The following DZIP1 variants were observed in gnomAD, a reference collection of about 807,000 sequenced individuals.
DZIP1 encodes cilium assembly protein DZIP1.
Under a neutral mutation model 107.6 loss-of-function variants are expected in DZIP1, and 97 were observed. The ratio of observed to expected loss-of-function variants is 0.90; its 90% confidence interval spans 0.77 to 1.07. The LOEUF (loss-of-function observed/expected upper bound fraction) is 1.07, where lower values mean the gene tolerates loss of function less well. Ranked by LOEUF, DZIP1 falls within the 50% of genes least tolerant of loss-of-function variation. The pLI is 0.00. For synonymous variants in DZIP1, 390 were observed against 386.4 expected, an observed-to-expected ratio of 1.01 and a Z score of -0.11; for missense variants, 1,035 against 1,063.6, an observed-to-expected ratio of 0.97 and a Z score of 0.37.
chr13:95,631,451 G>A (rs548390627), intron 6 of DZIP1, among the ~76,000 whole-genome samples: 27 of 151,924 alleles, frequency 1.8e-4, no homozygotes, highest in Non-Finnish European at 3.2e-4. Context: ...TGGGCCACAG[G>A]GGGAGATTCC....
chr13:95,641,628 C>T lies in DZIP1; in HGVS notation c.264G>A (p.Thr88=), dbSNP rs764577391. ...DKVAGAVDVL[T]LQENIMNITF... ...TGATGTTCATGATGTTCTCCTGCAG[C>T]GTCAGCACGTCCACAGCCCCCGCCA... Residue 88 remains threonine (T), a synonymous_variant, in exon 5 of 23, where the codon ACG becomes ACA. Transcript: ENST00000376829. The surrounding 1 kb of genome is among the most constrained non-coding windows in gnomAD (Gnocchi z 4.3). 2.4e-5 allele frequency: 39 copies of T among 1,611,178 alleles called. No individual in the cohort carries two copies. The highest frequency in any genetic ancestry group is 1.6e-4 in the Middle Eastern group (1 of 6,084).
At chr13:95,600,590 TGATAGATAGATAGATA>T (rs1555306564) in intron 14 of DZIP1, among the ~76,000 whole-genome samples, 1 of 141,674 alleles carries the variant, frequency 7.1e-6, no homozygotes, top group Admixed American at 7.2e-5. Flanking sequence ...GATAGATAGA[TGATAGATAGATAGATA>T]GATAGATAGA....
At position 95,611,572 on chromosome 13, in the gene DZIP1, T is replaced by C. The variant is rs1024054432; in HGVS notation, c.1315-79A>G. The C allele has an allele frequency of 7.6e-6, 9 of 1,180,294 alleles. No individual in the cohort carries two copies. The African/African-American group carries it at 1.1e-4, about 14-fold the overall frequency. 73.1% of individuals were successfully genotyped at this position (1,180,294 alleles called of 1,614,324 possible). On this transcript the variant is annotated intron_variant, in intron 11 of 22. Transcript: ENST00000376829. ...CACATGGGATAATGGACAGATAATG[T>C]TGTTAGTAAATTAACCTTTTCACTA...
chr13:95,628,239 C>T (rs1050137922), intron 7 of DZIP1, among the ~76,000 whole-genome samples: 2 of 152,144 alleles, frequency 1.3e-5, no homozygotes, highest in African/African-American at 4.8e-5. Context: ...GACAGGGTCT[C>T]ACCATGTTGC....
rs368332930 is a variant in DZIP1 at position 95,593,931 on chromosome 13, T to C, written c.1680+13A>G. 44 of 1,583,570 alleles carry C rather than the reference T, an allele frequency of 2.8e-5. No homozygotes were observed. The African/African-American group carries it at 6.0e-4, about 22-fold the overall frequency. On this transcript the variant is annotated intron_variant, in intron 16 of 22. Transcript: ENST00000376829. ...GCAAAACTAACAAATATTCCAAAAA[T>C]GAATGAACATACTGCATTAATCCCC...
intron 15 of DZIP1, among the ~76,000 whole-genome samples, chr13:95,596,959 T>C (rs1432489668): frequency 1.3e-5 from 2 of 152,246 alleles, no homozygotes; most frequent in Non-Finnish European, 2.9e-5. Flanking sequence ...GTTTCTGCAG[T>C]GGTGCACGTG....
intron 9 of DZIP1, among the ~76,000 whole-genome samples, chr13:95,620,866 G>A (rs115920454): frequency 0.014 from 2,207 of 152,230 alleles, 40 homozygotes; most frequent in African/African-American, 0.05. Context: ...GTTCATGAGC[G>A]ACCAGCTGTA....
Position 95,606,086 on chromosome 13 carries a change from C to T in DZIP1, c.1421-27G>A, listed in dbSNP as rs1566383577. The stretch of plus-strand genomic sequence containing the variant: ...TGAAACAGCATAAAAAGGAAAAACT[C>T]AGAGGTTCCATAATTAAAGCATAAG... On this transcript the variant is annotated intron_variant, in intron 13 of 22. Coordinates refer to ENST00000376829, the MANE Select transcript of DZIP1 (RefSeq NM_198968.4). 2.5e-6 allele frequency: 4 copies of T among 1,610,424 alleles called. No individual in the cohort carries two copies. In the Admixed American group the frequency reaches 5.0e-5, roughly 20 times the overall value.
intron 16 of DZIP1, among the ~76,000 whole-genome samples, chr13:95,593,287 A>C (rs1213099109): frequency 6.6e-6 from 1 of 152,236 alleles, no homozygotes; most frequent in Non-Finnish European, 1.5e-5. Flanking sequence ...ATGCACACAT[A>C]CACACTATAC....
chr13:95,642,132 G>A lies in DZIP1; in HGVS notation c.-103C>T, dbSNP rs1276151927. The A allele has an allele frequency of 7.2e-6, 10 of 1,398,180 alleles. No homozygotes were observed. Among genetic ancestry groups the A allele is most frequent in the Non-Finnish European group, 9.3e-6 (10 of 1,075,212 alleles). The allele number at this position is 1,398,180 out of a possible 1,614,324, so 86.6% of individuals were successfully genotyped here. A position where few individuals can be genotyped will look rare whatever the true frequency, so the allele number is the denominator to read the frequency against. On this transcript the variant is annotated 5_prime_UTR_variant, in exon 4 of 23. Coordinates refer to ENST00000376829, the MANE Select transcript of DZIP1 (RefSeq NM_198968.4). The stretch of plus-strand genomic sequence containing the variant: ...AGGCCGGGTTCCTCGCTTCCGCGGC[G>A]GCGGCGGCCTAAGGTCTGGGCGTCC...
At chr13:95,603,547 C>T in intron 14 of DZIP1, among the ~76,000 whole-genome samples, 1 of 152,086 alleles carries the variant, frequency 6.6e-6, no homozygotes, top group East Asian at 1.9e-4. Flanking sequence ...CCCAGGCAAC[C>T]TAAGCAATTG....
intron 10 of DZIP1, among the ~76,000 whole-genome samples, chr13:95,618,824 G>A (rs1215266463): frequency 6.6e-6 from 1 of 152,154 alleles, no homozygotes; most frequent in African/African-American, 2.4e-5. Context: ...ATTCAGAAAA[G>A]ATTTACAAGA....
intron 14 of DZIP1, 64 bp from the exon 15 acceptor site, chr13:95,599,488 T>A: frequency 7.5e-7 from 1 of 1,341,738 alleles, no homozygotes; most frequent in Non-Finnish European, 1.1e-6. Flanking sequence ...TTAGTTTCCT[T>A]TCAAATGATT....
Position 95,590,457 on chromosome 13 carries a change from G to A in DZIP1, c.1681-16C>T. ...CACGTATATCCTGAAAGAATAAGATGTTAAGTTGGCCAGTTATCCTGGGAG... is the reference window on the plus strand; with the variant it reads ...CACGTATATCCTGAAAGAATAAGATATTAAGTTGGCCAGTTATCCTGGGAG... On this transcript the variant is annotated splice_polypyrimidine_tract_variant and intron_variant, in intron 16 of 22. Coordinates refer to ENST00000376829, the MANE Select transcript of DZIP1 (RefSeq NM_198968.4). 1 of 1,587,912 alleles carries A rather than the reference G, an allele frequency of 6.3e-7. No individual in the cohort carries two copies. Among genetic ancestry groups the A allele is most frequent in the Non-Finnish European group, 8.5e-7 (1 of 1,169,592 alleles).
chr13:95,641,892 G>A lies in DZIP1; in HGVS notation c.37-37C>T. ...ACAAAGAGAGCGCGGCGGGAGGCGG[G>A]GATGGGGGGCGGGCAGGCTGGGGAG... On this transcript the variant is annotated intron_variant, in intron 4 of 22. Coordinates refer to ENST00000376829, the MANE Select transcript of DZIP1 (RefSeq NM_198968.4). This position sits in a 1 kb window ranked among gnomAD's most constrained non-coding sequence, Gnocchi z 4.3. 2 of 1,443,124 alleles carry A rather than the reference G, an allele frequency of 1.4e-6. No homozygotes were observed. The allele number at this position is 1,443,124 out of a possible 1,614,324, so 89.4% of individuals were successfully genotyped here.
intron 20 of DZIP1, among the ~76,000 whole-genome samples, chr13:95,586,724 TACAC>T (rs1038704028): frequency 3.3e-5 from 5 of 151,416 alleles, no homozygotes; most frequent in African/African-American, 1.2e-4. Context: ...TATAATAAAT[TACAC>T]ACAATATATT....
intron 10 of DZIP1, among the ~76,000 whole-genome samples, chr13:95,619,469 T>C (rs990131481): frequency 6.6e-6 from 1 of 152,194 alleles, no homozygotes; most frequent in African/African-American, 2.4e-5. Context: ...CTTGTTTCAA[T>C]TGGCCATTTA....
At chr13:95,608,684 A>C (rs780553299) in intron 13 of DZIP1, among the ~76,000 whole-genome samples, 28 of 152,180 alleles carry the variant, frequency 1.8e-4, no homozygotes, top group Non-Finnish European at 3.4e-4. Context: ...AGCTTCAAGA[A>C]GCCTCCAAGA....
chr13:95,595,060 C>G (rs1332107818), intron 15 of DZIP1, among the ~76,000 whole-genome samples: 1 of 152,188 alleles, frequency 6.6e-6, no homozygotes, highest in African/African-American at 2.4e-5. Flanking sequence ...ACTATACTAC[C>G]ATTTTGGAGT....
Sources: gnomAD v4.1 joint callset for allele counts (sites outside exome capture counted in the v4.1 genomes callset) on GRCh38, gnomAD v4.1.1 for gene constraint, Gnocchi (gnomAD v3.1) non-coding constraint, MANE v1.5 for transcripts, NCBI Gene and HGNC (gene_info 2026-07-23, HGNC 2026-07-21) for gene names.